The following PRKN variants were observed in gnomAD, a reference collection of about 807,000 sequenced individuals.
The protein encoded by PRKN is E3 ubiquitin-protein ligase parkin.
A neutral mutation model predicts 59.5 loss-of-function variants in PRKN; 56 were observed. The observed-to-expected ratio is 0.94, with a 90% CI of 0.76 to 1.18. PRKN has a LOEUF of 1.18. PRKN is among the 50% of genes most tolerant of loss of function. The probability of loss-of-function intolerance (pLI) is 0.00; values close to 1 mark genes in which losing one functional copy is unlikely to be tolerated. For missense variants in PRKN, 657 were observed against 596.4 expected, an observed-to-expected ratio of 1.10 and a Z score of -1.06; for synonymous variants, 250 against 222.1, an observed-to-expected ratio of 1.13 and a Z score of -1.12.
intron 6 of PRKN, among the ~76,000 whole-genome samples, chr6:161,883,033 A>AAC (rs72098548): frequency 9.1e-4 from 68 of 74,778 alleles, no homozygotes; most frequent in African/African-American, 5.7e-3. Context: ...CAACAACAAC[A>AAC]AAAAAAAACC....
At position 161,360,200 on chromosome 6, in the gene PRKN, G is replaced by A; in HGVS notation, c.1173C>T (p.Tyr391=). ...FEASGTTTQA[Y]RVDERAAEQA... is the part of the protein sequence containing the mutation. ...GCTCGGCGGCTCTTTCATCGACTCT[G>A]TAGGCCTGGGGAAACAAAGAGGAAA... is the stretch of plus-strand genomic sequence containing the variant. Residue 391 remains tyrosine, a synonymous_variant, in exon 11 of 12, where the codon TAC becomes TAT. Transcript: ENST00000366898. The surrounding 1 kb of genome is among the most constrained non-coding windows in gnomAD (Gnocchi z 5.1). 3.7e-6 allele frequency: 6 copies of A among 1,611,908 alleles called. No individual in the cohort carries two copies. Among genetic ancestry groups the A allele is most frequent in the Non-Finnish European group, 4.2e-6 (5 of 1,177,874 alleles).
Position 162,284,739 on chromosome 6 carries a change from G to A in PRKN, c.172-21974C>T, listed in dbSNP as rs193157505. ...CTGAGAATGATATTCGTATACATCT[G>A]GGCCACAGACTAGCAGTTCATCTAG... On this transcript the variant is annotated intron_variant, in intron 2 of 11. Coordinates refer to ENST00000366898, the MANE Select transcript of PRKN (RefSeq NM_004562.3). 2.0e-5 allele frequency among the ~76,000 whole-genome samples: 3 copies of A among 152,218 alleles called. 1 individual carries two copies. The East Asian group carries it at 5.8e-4, about 29-fold the overall frequency.
intron 6 of PRKN, among the ~76,000 whole-genome samples, chr6:161,957,420 G>GTTTTT (rs1583403969): frequency 1.0e-5 from 1 of 97,318 alleles, no homozygotes; most frequent in African/African-American, 4.6e-5. Context: ...TTTTTTTTTT[G>GTTTTT]TTTGTTTGTT....
chr6:162,344,032 C>T (rs1358212292), intron 2 of PRKN, among the ~76,000 whole-genome samples: 1 of 152,174 alleles, frequency 6.6e-6, no homozygotes, highest in East Asian at 1.9e-4. Flanking sequence ...AAAAGAATTT[C>T]TGTGCCAGTT....
At chr6:161,785,009 A>G (rs192800008) in intron 7 of PRKN, among the ~76,000 whole-genome samples, 1 of 152,340 alleles carries the variant, frequency 6.6e-6, no homozygotes, top group African/African-American at 2.4e-5. Flanking sequence ...GGCAGACACG[A>G]AAGGTCACCT....
chr6:161,854,607 A>T (rs1793570434), intron 6 of PRKN, among the ~76,000 whole-genome samples: 1 of 152,174 alleles, frequency 6.6e-6, no homozygotes, highest in Admixed American at 6.5e-5. Flanking sequence ...ATATACCTAC[A>T]TCTAATGTAG....
chr6:162,321,665 C>T (rs748429944), intron 2 of PRKN, among the ~76,000 whole-genome samples: 1 of 151,944 alleles, frequency 6.6e-6, no homozygotes, highest in African/African-American at 2.4e-5. Context: ...TACATTGTGA[C>T]TGAATGGGGT....
chr6:161,668,380 T>C (rs1300742783), intron 7 of PRKN, among the ~76,000 whole-genome samples: 1 of 151,986 alleles, frequency 6.6e-6, no homozygotes, highest in Non-Finnish European at 1.5e-5. Context: ...ACACACGCTC[T>C]TAAATACAAT....
intron 2 of PRKN, among the ~76,000 whole-genome samples, chr6:162,426,512 A>T (rs1395423398): frequency 1.3e-5 from 2 of 152,230 alleles, no homozygotes; most frequent in Non-Finnish European, 2.9e-5. Flanking sequence ...ATGCAGTGGC[A>T]CAATCTCGGC....
At chr6:162,111,251 G>A (rs2128302314) in intron 4 of PRKN, among the ~76,000 whole-genome samples, 1 of 152,162 alleles carries the variant, frequency 6.6e-6, no homozygotes, top group Non-Finnish European at 1.5e-5. Flanking sequence ...AGATCACGAG[G>A]TCAGGAGATC....
intron 10 of PRKN, among the ~76,000 whole-genome samples, chr6:161,384,464 G>A (rs896885145): frequency 1.3e-5 from 2 of 151,896 alleles, no homozygotes; most frequent in African/African-American, 4.8e-5. Flanking sequence ...GGTTGCCTGA[G>A]CCAAGGATAA....
In PRKN at chr6:162,599,101, A is replaced by AC. The variant is rs1162946630; in HGVS notation, c.7+128560dup. ...AATCTTTTCCAGTTTCCATTTCTGG[A>AC]CATATGATCAATTAAACTGTAATCC... On this transcript the variant is annotated intron_variant, in intron 1 of 11. Transcript: ENST00000366898. 4.6e-5 allele frequency among the ~76,000 whole-genome samples: 7 copies of AC among 152,268 alleles called. No individual in the cohort carries two copies. The East Asian group carries it at 1.2e-3, about 25-fold the overall frequency.
chr6:161,747,654 A>G (rs1788489482), intron 7 of PRKN, among the ~76,000 whole-genome samples: 1 of 152,204 alleles, frequency 6.6e-6, no homozygotes, highest in Non-Finnish European at 1.5e-5. Context: ...ACTGCAGAAA[A>G]GCTCTGGAGT....
Position 161,385,090 on chromosome 6 carries a change from C to G in PRKN, c.1167+1704G>C, listed in dbSNP as rs1270374183. ...GATTACAGGTGCACGCCACCACACCCAGCTAATTTTTGTATTTTTAGTAGA... is the reference window on the plus strand; with the variant it reads ...GATTACAGGTGCACGCCACCACACCGAGCTAATTTTTGTATTTTTAGTAGA... On this transcript the variant is annotated intron_variant, in intron 10 of 11. Coordinates refer to ENST00000366898, the MANE Select transcript of PRKN (RefSeq NM_004562.3). The surrounding 1 kb of genome is among the most constrained non-coding windows in gnomAD (Gnocchi z 4.9). Among the ~76,000 whole-genome samples the G allele has an allele frequency of 6.6e-6, 1 of 152,088 alleles. No homozygotes were observed. Among genetic ancestry groups the G allele is most frequent in the Non-Finnish European group, 1.5e-5 (1 of 68,010 alleles).
intron 4 of PRKN, among the ~76,000 whole-genome samples, chr6:162,161,908 G>A (rs1295155632): frequency 4.0e-5 from 6 of 151,738 alleles, no homozygotes; most frequent in East Asian, 3.9e-4. Flanking sequence ...ATCTCTTACC[G>A]TGCCTAATTC....
At chr6:161,634,001 C>CACACAA (rs1783415608) in intron 7 of PRKN, among the ~76,000 whole-genome samples, 1 of 77,384 alleles carries the variant, frequency 1.3e-5, no homozygotes. Flanking sequence ...AACTTAAACA[C>CACACAA]ACACACACAC....
chr6:162,169,742 C>T (rs1783172872), intron 4 of PRKN, among the ~76,000 whole-genome samples: 1 of 152,210 alleles, frequency 6.6e-6, no homozygotes. Flanking sequence ...TGCGTTACAG[C>T]TGCATTTGCT....
intron 1 of PRKN, among the ~76,000 whole-genome samples, chr6:162,607,846 C>A (rs1037777587): frequency 1.3e-5 from 2 of 152,004 alleles, no homozygotes; most frequent in African/African-American, 4.8e-5. Flanking sequence ...CAAGACTGAG[C>A]AGGAGTCTGG....
intron 2 of PRKN, among the ~76,000 whole-genome samples, chr6:162,418,928 T>C (rs78174510): frequency 0.071 from 10,781 of 151,730 alleles, 534 homozygotes; most frequent in Non-Finnish European, 0.1. Context: ...GGACCCACCC[T>C]GTACCCAGTC....
Sources: allele counts gnomAD v4.1 joint callset (sites outside exome capture counted in the v4.1 genomes callset), GRCh38; gene constraint gnomAD v4.1.1; non-coding constraint Gnocchi (gnomAD v3.1); transcripts MANE v1.5; gene names NCBI Gene and HGNC (gene_info 2026-07-23, HGNC 2026-07-21).